The following TMPRSS4 variants were observed in gnomAD, a reference collection of about 807,000 sequenced individuals.
TMPRSS4 encodes the protein transmembrane protease serine 4.
Under a neutral mutation model 56.4 loss-of-function variants are expected in TMPRSS4, and 45 were observed. The ratio of observed to expected loss-of-function variants is 0.80; its 90% CI spans 0.63 to 1.02. The LOEUF (loss-of-function observed/expected upper bound fraction) is 1.02. Ranked by LOEUF, TMPRSS4 falls within the 50% of genes least tolerant of loss-of-function variation. The pLI is 0.00. For missense variants in TMPRSS4, 546 were observed against 556.7 expected (o/e 0.98, Z 0.19); for synonymous variants, 205 against 211.0 (o/e 0.97, Z 0.25).
At chr11:118,094,679 G>T (rs1030586883) in intron 1 of TMPRSS4, 137 bp from the exon 2 acceptor site, 18 of 712,116 alleles carry the variant, frequency 2.5e-5, no homozygotes, top group Non-Finnish European at 1.0e-5. Context: ...GTTGAACCAG[G>T]TATTTGGATA....
chr11:118,109,515 C>A (rs1453835750), intron 7 of TMPRSS4, among the ~76,000 whole-genome samples: 2 of 152,214 alleles, frequency 1.3e-5, no homozygotes, highest in African/African-American at 2.4e-5. Flanking sequence ...GGCACCAGTC[C>A]TGTTCATTTC....
Position 118,117,355 on chromosome 11 carries a change from G to T in TMPRSS4, c.1203G>T (p.Val401=). 6.2e-7 allele frequency: 1 copy of T among 1,614,148 alleles called. No individual in the cohort carries two copies. The highest frequency in any genetic ancestry group is 1.3e-5 in the African/African-American group (1 of 75,030). The change falls in exon 12 of 13, where the codon GTG becomes GTT. Residue 401 remains valine, a synonymous_variant. Coordinates refer to ENST00000437212, the MANE Select transcript of TMPRSS4 (RefSeq NM_019894.4). ...LMYQSDQWHV[V]GIVSWGYGCG... The stretch of plus-strand genomic sequence containing the variant: ...ACCAATCTGACCAGTGGCATGTGGT[G>T]GGCATCGTTAGTTGGGGCTATGGCT...
downstream of TMPRSS4, among the ~76,000 whole-genome samples, chr11:118,122,322 A>G (rs1411289217): frequency 1.3e-5 from 2 of 152,234 alleles, no homozygotes; most frequent in Non-Finnish European, 2.9e-5. Context: ...ATTAAAACTG[A>G]AAAAGTGGAG....
rs1034955138 is a variant in TMPRSS4 at position 118,084,660 on chromosome 11, T to C, written c.3+7355T>C. Reference sequence around the variant, plus strand: ...TGTGTGGAGTTCTGCTCTCCATGCCTGTAGGGTAATTGGGGCAGAGAGCAC... The same window carrying C: ...TGTGTGGAGTTCTGCTCTCCATGCCCGTAGGGTAATTGGGGCAGAGAGCAC... On this transcript the variant is annotated intron_variant, in intron 1 of 12. Transcript: ENST00000437212. 3.9e-5 allele frequency among the ~76,000 whole-genome samples: 6 copies of C among 152,194 alleles called. No homozygotes were observed. The East Asian group carries it at 1.2e-3, about 29-fold the overall frequency.
At chr11:118,099,268 C>T in intron 3 of TMPRSS4, 170 bp downstream of exon 3, 1 of 546,146 alleles carries the variant, frequency 1.8e-6, no homozygotes, top group Non-Finnish European at 3.3e-6. Flanking sequence ...GGCAGCCCCG[C>T]CCCTCCCATT....
intron 3 of TMPRSS4, among the ~76,000 whole-genome samples, chr11:118,102,653 G>A (rs1251646926): frequency 6.6e-6 from 1 of 152,190 alleles, no homozygotes; most frequent in Non-Finnish European, 1.5e-5. Context: ...AGGCTACAGT[G>A]AGCCAAGATC....
Position 118,094,854 on chromosome 11 carries a change from C to A in TMPRSS4, c.42C>A (p.Leu14=). The change falls in exon 2 of 13, where the codon CTC becomes CTA. Residue 14 remains leucine (L), a splice_region_variant and synonymous_variant. Coordinates refer to ENST00000437212, the MANE Select transcript of TMPRSS4 (RefSeq NM_019894.4). ...ACAGTGATCAACCTCTGAACAGCCT[C>A]GGTAAGTTCAGGTCCGGCTTTCATT... ...DPDSDQPLNS[L]DVKPLRKPRI... is the part of the protein sequence containing the mutation. 1.9e-6 allele frequency: 3 copies of A among 1,612,322 alleles called. No individual in the cohort carries two copies. Among genetic ancestry groups the A allele is most frequent in the Non-Finnish European group, 2.5e-6 (3 of 1,179,316 alleles).
In TMPRSS4 at chr11:118,117,575, C is replaced by T. The variant is rs570311397; in HGVS notation, c.1302+121C>T. 7.3e-6 allele frequency: 11 copies of T among 1,497,914 alleles called. No homozygotes were observed. In the African/African-American group the frequency reaches 1.4e-4, roughly 19 times the overall value. The allele number at this position is 1,497,914 out of a possible 1,614,324, so 92.8% of individuals were successfully genotyped here. ...AACTCTTTACATCCCAAATAACTTT[C>T]CCTCCAAGCAAGGGACAGCCTGAGA... On this transcript the variant is annotated intron_variant, in intron 12 of 12. Coordinates refer to ENST00000437212, the MANE Select transcript of TMPRSS4 (RefSeq NM_019894.4).
intron 7 of TMPRSS4, among the ~76,000 whole-genome samples, chr11:118,111,023 C>T (rs561789933): frequency 5.3e-5 from 8 of 152,308 alleles, no homozygotes; most frequent in South Asian, 2.1e-4. Flanking sequence ...TTTGCAGGAG[C>T]GGGCAAGGTG....
intron 1 of TMPRSS4, among the ~76,000 whole-genome samples, chr11:118,091,431 C>G (rs1450971711): frequency 2.6e-5 from 4 of 152,178 alleles, no homozygotes; most frequent in Non-Finnish European, 4.4e-5. Context: ...GCTGTCTCCT[C>G]TCACCCTGGA....
intron 6 of TMPRSS4, 75 bp from the exon 7 acceptor site, chr11:118,108,781 C>T: frequency 6.6e-7 from 1 of 1,521,904 alleles, no homozygotes; most frequent in South Asian, 1.1e-5. Context: ...GAATTAACAG[C>T]TTCGGGAGGC....
chr11:118,122,429 T>C (rs1372966899), downstream of TMPRSS4, among the ~76,000 whole-genome samples: 7 of 152,150 alleles, frequency 4.6e-5, no homozygotes, highest in Non-Finnish European at 1.0e-4. Flanking sequence ...CAAAACTGAC[T>C]TTAGGATAAA....
In TMPRSS4 at chr11:118,120,688, G is replaced by C. The variant is rs7928092; in HGVS notation, c.*2775G>C. On this transcript the variant is annotated 3_prime_UTR_variant, in exon 13 of 13. Coordinates refer to ENST00000437212, the MANE Select transcript of TMPRSS4 (RefSeq NM_019894.4). ...AGAAGTGACTAGGCTTAACAGCAGAGAGAGATAAGGAGATTAAAAATATGA... is the reference window on the plus strand; with the variant it reads ...AGAAGTGACTAGGCTTAACAGCAGACAGAGATAAGGAGATTAAAAATATGA... 0.62 allele frequency: 93,841 copies of C among 152,020 alleles called. 29,013 individuals carry two copies. The highest frequency in any genetic ancestry group is 0.72 in the South Asian group (3,496 of 4,828). 9.4% of individuals were successfully genotyped at this position (152,020 alleles called of 1,614,324 possible).
In TMPRSS4 at chr11:118,099,080, A is replaced by G; in HGVS notation, c.139A>G (p.Ile47Val). The G allele has an allele frequency of 6.2e-7, 1 of 1,613,828 alleles. No homozygotes were observed. ...AGCACTACTGAGCCTGGCGAGTATC[A>G]TCATTGTGGTTGTCCTCAGTAAGTG... ...IIALLSLASI[I>V]IVVVLIKVIL... The change falls in exon 3 of 13, where the codon ATC becomes GTC. Residue 47 changes from isoleucine to valine, a missense_variant. By Grantham distance (29) the Ile-to-Val change is conservative. Coordinates refer to ENST00000437212, the MANE Select transcript of TMPRSS4 (RefSeq NM_019894.4).
chr11:118,124,730 G>C (rs1005613057), downstream of TMPRSS4, among the ~76,000 whole-genome samples: 1 of 152,170 alleles, frequency 6.6e-6, no homozygotes, highest in African/African-American at 2.4e-5. Flanking sequence ...TTACATGCCT[G>C]ATAAATAGAC....
chr11:118,080,899 C>T (rs934532761), intron 1 of TMPRSS4, among the ~76,000 whole-genome samples: 13 of 152,180 alleles, frequency 8.5e-5, no homozygotes, highest in South Asian at 4.1e-4. Flanking sequence ...CTCAGTAAAA[C>T]GCTTCAAGTT....
At chr11:118,085,014 A>T (rs995726942) in intron 1 of TMPRSS4, among the ~76,000 whole-genome samples, 23 of 152,176 alleles carry the variant, frequency 1.5e-4, no homozygotes, top group Non-Finnish European at 2.6e-4. Flanking sequence ...AAAATCATGC[A>T]AAGACCAGAT....
In TMPRSS4 at chr11:118,119,784, C is replaced by T. The variant is rs1235579651; in HGVS notation, c.*1871C>T. ...GTAAACTACCACACTATAGGGCCTC[C>T]AATATGATAATTTATAAAATATTTG... On this transcript the variant is annotated 3_prime_UTR_variant, in exon 13 of 13. Transcript: ENST00000437212. 1 of 152,126 alleles carries T rather than the reference C, an allele frequency of 6.6e-6. No individual in the cohort carries two copies. Among genetic ancestry groups the T allele is most frequent in the East Asian group, 1.9e-4 (1 of 5,198 alleles). The allele number at this position is 152,126 out of a possible 1,614,324, so 9.4% of individuals were successfully genotyped here.
rs778467631 is a variant in TMPRSS4 at position 118,111,717 on chromosome 11, C to T, written c.584-24C>T. On this transcript the variant is annotated intron_variant, in intron 7 of 12. Transcript: ENST00000437212. ...CCCCAACAGCCTGACTTCCTGCCTCCTCCCTGCCTCTGCCTGTGTCCAGCC... is the reference window on the plus strand; with the variant it reads ...CCCCAACAGCCTGACTTCCTGCCTCTTCCCTGCCTCTGCCTGTGTCCAGCC... 2.6e-6 allele frequency: 4 copies of T among 1,537,764 alleles called. No homozygotes were observed. The East Asian group carries it at 9.8e-5, about 38-fold the overall frequency.
Sources: allele counts gnomAD v4.1 joint callset (sites outside exome capture counted in the v4.1 genomes callset), GRCh38; gene constraint gnomAD v4.1.1; transcripts MANE v1.5; gene names NCBI Gene and HGNC (gene_info 2026-07-23, HGNC 2026-07-21).